DIS3L2: variants seen among roughly 807,000 people sequenced by gnomAD.
The protein encoded by DIS3L2 is DIS3-like exonuclease 2.
DIS3L2 carries 34 observed loss-of-function variants against 97.5 expected under a neutral mutation model. The ratio of observed to expected loss-of-function variants is 0.35; its 90% CI spans 0.27 to 0.46. The LOEUF (loss-of-function observed/expected upper bound fraction) is 0.46, where lower values mean the gene tolerates loss of function less well. DIS3L2 is among the 20% of genes least tolerant of loss of function. The pLI, the probability that DIS3L2 is intolerant of heterozygous loss-of-function variation, is 1.00. For synonymous variants in DIS3L2, 435 were observed against 445.2 expected, an observed-to-expected ratio of 0.98 and a Z score of 0.29; for missense variants, 1,038 against 1,146.0, an observed-to-expected ratio of 0.91 and a Z score of 1.36.
intron 14 of DIS3L2, among the ~76,000 whole-genome samples, chr2:232,318,599 C>G (rs945640791): frequency 4.6e-5 from 7 of 152,196 alleles, no homozygotes; most frequent in African/African-American, 1.4e-4. Flanking sequence ...GTGTTGTGAG[C>G]ACCCCGCATG....
At chr2:232,343,458 A>C (rs1486848141) in exon 14 of DIS3L2, 1 of 1,555,962 alleles carries the variant, frequency 6.4e-7, no homozygotes, top group Non-Finnish European at 8.7e-7. Context: ...CTCGGGGCAT[A>C]TGTGACAGGG....
At position 232,181,329 on chromosome 2, in the gene DIS3L2, T is replaced by C. The variant is rs934880135; in HGVS notation, c.1124+17697T>C. On this transcript the variant is annotated intron_variant, in intron 9 of 20. Transcript: ENST00000325385. ...CTCGAGGAGTATCTTTGTGGCGTTC[T>C]CTGTATTTCCTGAATCTGAATGTTG... is the stretch of plus-strand genomic sequence containing the variant. 6.2e-4 allele frequency among the ~76,000 whole-genome samples: 94 copies of C among 152,178 alleles called. 1 individual carries two copies. Among genetic ancestry groups the C allele is most frequent in the African/African-American group, 2.2e-3 (92 of 41,442 alleles).
intron 3 of DIS3L2, among the ~76,000 whole-genome samples, chr2:232,016,463 G>T (rs1183389008): frequency 6.6e-6 from 1 of 152,120 alleles, no homozygotes; most frequent in African/African-American, 2.4e-5. Flanking sequence ...GCAAAATATT[G>T]GGGGGAAATG....
At chr2:232,165,707 T>C (rs1406900835) in intron 9 of DIS3L2, among the ~76,000 whole-genome samples, 2 of 152,078 alleles carry the variant, frequency 1.3e-5, no homozygotes, top group Non-Finnish European at 2.9e-5. Flanking sequence ...TATTTTACTT[T>C]TGTAGAGATG....
chr2:232,220,041 A>T (rs1328592993), intron 10 of DIS3L2, among the ~76,000 whole-genome samples: 1 of 152,044 alleles, frequency 6.6e-6, no homozygotes, highest in Non-Finnish European at 1.5e-5. Context: ...GGAGACCAAG[A>T]TAGGAGGCTC....
intron 6 of DIS3L2, among the ~76,000 whole-genome samples, chr2:232,115,949 A>G (rs940265639): frequency 1.3e-5 from 2 of 152,138 alleles, no homozygotes; most frequent in African/African-American, 4.8e-5. Context: ...AGGTGGGCAG[A>G]TGGCTTGAGG....
chr2:232,073,696 A>T (rs972528137), intron 5 of DIS3L2, among the ~76,000 whole-genome samples: 5 of 152,130 alleles, frequency 3.3e-5, no homozygotes, highest in African/African-American at 9.7e-5. Context: ...TGGCACTTTT[A>T]TTTAGGATTC....
intron 9 of DIS3L2, among the ~76,000 whole-genome samples, chr2:232,171,900 T>G (rs1419304258): frequency 1.3e-5 from 2 of 152,228 alleles, no homozygotes; most frequent in African/African-American, 4.8e-5. Context: ...GATTTTTGTC[T>G]GAACCAGGAG....
chr2:232,190,247 T>C (rs1691572617), intron 9 of DIS3L2, among the ~76,000 whole-genome samples: 1 of 152,040 alleles, frequency 6.6e-6, no homozygotes, highest in African/African-American at 2.4e-5. Context: ...GATGGGAGGA[T>C]CACCTGAGCC....
intron 1 of DIS3L2, among the ~76,000 whole-genome samples, chr2:231,974,645 G>A (rs926187881): frequency 1.3e-5 from 2 of 149,538 alleles, no homozygotes; most frequent in African/African-American, 4.9e-5. Context: ...TTACATAGCT[G>A]TCTCCTCAAA....
chr2:231,975,063 A>G (rs192089497), intron 1 of DIS3L2, among the ~76,000 whole-genome samples: 32 of 152,296 alleles, frequency 2.1e-4, no homozygotes, highest in Non-Finnish European at 3.4e-4. Flanking sequence ...TGGTTTATCT[A>G]CTGTTTACAC....
chr2:232,060,001 C>T (rs1379797885), intron 5 of DIS3L2, among the ~76,000 whole-genome samples: 2 of 152,028 alleles, frequency 1.3e-5, no homozygotes, highest in Non-Finnish European at 2.9e-5. Flanking sequence ...GATGTATACC[C>T]AGTAGTGGCA....
intron 9 of DIS3L2, among the ~76,000 whole-genome samples, chr2:232,168,174 A>G (rs1318426253): frequency 2.6e-5 from 4 of 152,222 alleles, no homozygotes; most frequent in Non-Finnish European, 2.9e-5. Flanking sequence ...AGTATTTCAA[A>G]ACATCCATTT....
chr2:232,190,778 G>A (rs763132397), intron 9 of DIS3L2, among the ~76,000 whole-genome samples: 11 of 152,128 alleles, frequency 7.2e-5, no homozygotes, highest in Admixed American at 3.3e-4. Flanking sequence ...ATCTGATGAG[G>A]GAAGAGGACC....
chr2:232,028,147 T>A (rs1289228142), intron 4 of DIS3L2, among the ~76,000 whole-genome samples: 1 of 152,184 alleles, frequency 6.6e-6, no homozygotes, highest in East Asian at 1.9e-4. Context: ...CCCCCAGTCC[T>A]CTAAGTCTTT....
At chr2:231,987,387 A>G (rs1393028933) in intron 1 of DIS3L2, among the ~76,000 whole-genome samples, 1 of 152,264 alleles carries the variant, frequency 6.6e-6, no homozygotes, top group African/African-American at 2.4e-5. Context: ...CGTGGGAATC[A>G]TAACATTGGA....
At chr2:232,056,584 A>G (rs1029499512) in intron 5 of DIS3L2, among the ~76,000 whole-genome samples, 8 of 152,204 alleles carry the variant, frequency 5.3e-5, no homozygotes, top group Admixed American at 2.0e-4. Flanking sequence ...ATAATTGAGA[A>G]AAAAAACAGA....
chr2:232,131,654 C>G (rs1407465134), intron 7 of DIS3L2: 1 of 151,962 alleles, frequency 6.6e-6, no homozygotes, highest in East Asian at 1.9e-4. Flanking sequence ...TATAAAGTGG[C>G]ATAATGGCAT....
At chr2:232,097,546 T>C (rs1022004473) in intron 6 of DIS3L2, among the ~76,000 whole-genome samples, 1 of 152,200 alleles carries the variant, frequency 6.6e-6, no homozygotes, top group African/African-American at 2.4e-5. Context: ...TGGGGAGTAC[T>C]GCCAGGCTTC....
Sources: allele counts gnomAD v4.1 joint callset (sites outside exome capture counted in the v4.1 genomes callset), GRCh38; gene constraint gnomAD v4.1.1; transcripts MANE v1.5; gene names NCBI Gene and HGNC (gene_info 2026-07-23, HGNC 2026-07-21).